Variants in SLC35F4 observed in about 807,000 individuals in gnomAD.
SLC35F4 encodes solute carrier family 35 member F4.
In SLC35F4, 24 loss-of-function variants were observed where a neutral mutation model predicts 44.2. That is an observed-to-expected ratio of 0.54 (90% CI 0.39 to 0.76). The LOEUF is 0.76. SLC35F4 is among the 30% of genes least tolerant of loss of function. The pLI, the probability that SLC35F4 is intolerant of heterozygous loss-of-function variation, is 0.00. For missense variants in SLC35F4, 562 were observed against 586.1 expected (o/e 0.96, Z 0.42); for synonymous variants, 238 against 223.6 (o/e 1.06, Z -0.57).
At chr14:57,686,087 C>T (rs968117665) in intron 1 of SLC35F4, among the ~76,000 whole-genome samples, 5 of 152,020 alleles carry the variant, frequency 3.3e-5, no homozygotes, top group East Asian at 1.9e-4. Context: ...TTGAGATGGG[C>T]GAGATTACCA....
At chr14:57,606,627 A>G (rs1157206426) in intron 1 of SLC35F4, among the ~76,000 whole-genome samples, 5 of 152,160 alleles carry the variant, frequency 3.3e-5, no homozygotes, top group Admixed American at 3.3e-4. Context: ...AAGAGTACTA[A>G]AATCCTTATG....
chr14:57,925,496 A>C (rs2141061119), intron 1 of SLC35F4, among the ~76,000 whole-genome samples: 1 of 42,544 alleles, frequency 2.4e-5, no homozygotes, highest in African/African-American at 1.2e-4. Flanking sequence ...GAAGGAAGGA[A>C]GGGAGGGAGG....
intron 1 of SLC35F4, among the ~76,000 whole-genome samples, chr14:57,885,033 G>A (rs986363384): frequency 6.6e-6 from 1 of 152,024 alleles, no homozygotes; most frequent in African/African-American, 2.4e-5. Flanking sequence ...TTATTACTTT[G>A]CAACTTTTTT....
chr14:57,981,418 A>G (rs1208739102), intron 1 of SLC35F4, among the ~76,000 whole-genome samples: 1 of 152,222 alleles, frequency 6.6e-6, no homozygotes, highest in Non-Finnish European at 1.5e-5. Flanking sequence ...ACTGAGGCTC[A>G]GGTAGACTAG....
At chr14:57,582,164 G>T (rs1340356625) in intron 3 of SLC35F4, among the ~76,000 whole-genome samples, 1 of 151,740 alleles carries the variant, frequency 6.6e-6, no homozygotes, top group Admixed American at 6.6e-5. Context: ...TTTAGCCCCA[G>T]GGGCCATTTT....
chr14:57,727,596 T>C (rs2140459079), intron 1 of SLC35F4, among the ~76,000 whole-genome samples: 1 of 152,292 alleles, frequency 6.6e-6, no homozygotes, highest in Admixed American at 6.5e-5. Context: ...GTGTTTCCAT[T>C]ATCATTTGTT....
intron 1 of SLC35F4, among the ~76,000 whole-genome samples, chr14:57,960,506 G>A (rs1224253006): frequency 2.0e-5 from 3 of 152,228 alleles, no homozygotes; most frequent in African/African-American, 7.2e-5. Flanking sequence ...GACAAGGAGA[G>A]AGGAAAGGGG....
At chr14:57,644,071 T>A (rs1255823839) in intron 1 of SLC35F4, among the ~76,000 whole-genome samples, 1 of 152,208 alleles carries the variant, frequency 6.6e-6, no homozygotes, top group African/African-American at 2.4e-5. Flanking sequence ...AGTGCCATAA[T>A]AAACATACGT....
At chr14:57,613,708 AT>A (rs1451251090) in intron 1 of SLC35F4, among the ~76,000 whole-genome samples, 3 of 152,340 alleles carry the variant, frequency 2.0e-5, no homozygotes, top group African/African-American at 7.2e-5. Context: ...TTAGAGCATA[AT>A]TATTGCACCA....
intron 1 of SLC35F4, among the ~76,000 whole-genome samples, chr14:57,812,331 G>A (rs1270307573): frequency 1.3e-5 from 2 of 152,020 alleles, no homozygotes; most frequent in Admixed American, 6.6e-5. Context: ...GAGGCCACTC[G>A]GTATCCACCA....
chr14:57,648,539 G>T (rs1029512591), intron 1 of SLC35F4, among the ~76,000 whole-genome samples: 3 of 152,162 alleles, frequency 2.0e-5, no homozygotes, highest in African/African-American at 7.2e-5. Flanking sequence ...GCCACATGCA[G>T]TGAATTACTA....
chr14:57,652,630 C>T (rs928724735), intron 1 of SLC35F4, among the ~76,000 whole-genome samples: 3 of 151,502 alleles, frequency 2.0e-5, no homozygotes, highest in Non-Finnish European at 4.4e-5. Context: ...AGGATAGTAA[C>T]CCCCACACAA....
At chr14:57,694,280 C>T (rs1019116675) in intron 1 of SLC35F4, among the ~76,000 whole-genome samples, 1 of 152,116 alleles carries the variant, frequency 6.6e-6, no homozygotes, top group Non-Finnish European at 1.5e-5. Flanking sequence ...TTGTTTTCAA[C>T]ATTCAAATAG....
chr14:57,716,253 T>C (rs1313166038), intron 1 of SLC35F4, among the ~76,000 whole-genome samples: 1 of 151,946 alleles, frequency 6.6e-6, no homozygotes, highest in East Asian at 1.9e-4. Flanking sequence ...AATTCCTATC[T>C]TAACAAGTAG....
At position 57,594,021 on chromosome 14, in the gene SLC35F4, A is replaced by G. The variant is rs1223321477; in HGVS notation, c.207T>C (p.Asp69=). 17 of 1,613,814 alleles carry G rather than the reference A, an allele frequency of 1.1e-5. No individual in the cohort carries two copies. The African/African-American group carries it at 2.0e-4, about 19-fold the overall frequency. ...RQLSPLSVTE[D]SSAPILELQN... ...GAAGTTCAAGAATAGGAGCAGAGGA[A>G]TCTTCGGTGACAGACAGTGGGGACA... The change falls in exon 2 of 8, where the codon GAT becomes GAC. Residue 69 remains aspartate (D), a synonymous_variant. Coordinates refer to ENST00000556826, the MANE Select transcript of SLC35F4 (RefSeq NM_001306087.2).
At chr14:57,787,467 T>C (rs1808051) in intron 1 of SLC35F4, among the ~76,000 whole-genome samples, 66,836 of 151,932 alleles carry the variant, frequency 0.44, 16,093 homozygotes, top group East Asian at 0.69. Flanking sequence ...ATCAGGTTAT[T>C]CAAAGTTAAG....
At chr14:57,776,257 T>C (rs1455640975) in intron 1 of SLC35F4, among the ~76,000 whole-genome samples, 1 of 152,108 alleles carries the variant, frequency 6.6e-6, no homozygotes, top group Non-Finnish European at 1.5e-5. Context: ...TTCTCCAACC[T>C]AGCTAGAGAG....
Position 57,950,675 on chromosome 14 carries a change from C to CTTTTTTTTTTTTTTTTTT in SLC35F4, n.282+31237_282+31238insAAAAAAAAAAAAAAAAAA, listed in dbSNP as rs59027196. ...GACTCTTTGTTTCTTTTCTTTCTTT[C>CTTTTTTTTTTTTTTTTTT]TTTTTTTTTTTTGAGACAGAGTCTT... On this transcript the variant is annotated intron_variant and non_coding_transcript_variant, in intron 1 of 1. Coordinates refer to the SLC35F4 transcript ENST00000556568. Among the ~76,000 whole-genome samples the CTTTTTTTTTTTTTTTTTT allele has an allele frequency of 3.5e-4, 44 of 127,196 alleles. 1 individual carries two copies. Among genetic ancestry groups the CTTTTTTTTTTTTTTTTTT allele is most frequent in the African/African-American group, 6.1e-4 (19 of 31,310 alleles). 83.4% of individuals were successfully genotyped at this position (127,196 alleles called of 152,430 possible).
At chr14:57,575,516 C>T (rs1213022354) in intron 4 of SLC35F4, among the ~76,000 whole-genome samples, 1 of 152,072 alleles carries the variant, frequency 6.6e-6, no homozygotes, top group Non-Finnish European at 1.5e-5. Flanking sequence ...AAAAAAAACT[C>T]ACCATTACCA....
Sources: gnomAD v4.1 joint callset for allele counts (sites outside exome capture counted in the v4.1 genomes callset) on GRCh38, gnomAD v4.1.1 for gene constraint, MANE v1.5 for transcripts, NCBI Gene and HGNC (gene_info 2026-07-23, HGNC 2026-07-21) for gene names.